COL6A1: variants seen among roughly 807,000 people sequenced by gnomAD.
The protein encoded by COL6A1 is collagen type VI alpha 1 chain, also known as collagen alpha-1(VI) chain.
In COL6A1, 80 loss-of-function variants were observed where a neutral mutation model predicts 145.6. The ratio of observed to expected loss-of-function variants is 0.55; its 90% CI spans 0.46 to 0.66. The LOEUF (loss-of-function observed/expected upper bound fraction) is 0.66, where lower values mean the gene tolerates loss of function less well. COL6A1 is among the 30% of genes least tolerant of loss of function. COL6A1 has a pLI of 0.00. For synonymous variants in COL6A1, 638 were observed against 622.8 expected, an observed-to-expected ratio of 1.02 and a Z score of -0.36; for missense variants, 1,364 against 1,473.8, an observed-to-expected ratio of 0.93 and a Z score of 1.22.
rs775248249 is a variant in COL6A1, at chr21:45,989,664, C to T, written c.903+12C>T. On this transcript the variant is annotated intron_variant, in intron 10 of 34. Coordinates refer to ENST00000361866, the MANE Select transcript of COL6A1 (RefSeq NM_001848.3). ...ACCAGGGAATGAAGGTACGTGCCCC[C>T]CCTTTCCTGGCCCGAGCCCGGTGGT... The T allele has an allele frequency of 2.5e-6, 4 of 1,613,082 alleles. No individual in the cohort carries two copies. In the African/African-American group the frequency reaches 5.3e-5, roughly 22 times the overall value.
Position 45,990,408 on chromosome 21 carries a change from G to A in COL6A1, c.988G>A (p.Val330Met), listed in dbSNP as rs561937340. Residue 330 changes from valine (V) to methionine (M), a missense_variant, in exon 13 of 35, where the codon GTG becomes ATG. Transcript: ENST00000361866. ...GAAGGGCAAGCGTGGCATCGACGGG[G>A]TGGACGGCGTGAAGGTGACTGGGGG... ...GEKGKRGIDG[V>M]DGVKGEMGYP... The A allele has an allele frequency of 6.5e-7, 1 of 1,527,366 alleles. No individual in the cohort carries two copies. The highest frequency in any genetic ancestry group is 2.6e-5 in the East Asian group (1 of 38,900). 94.6% of individuals were successfully genotyped at this position (1,527,366 alleles called of 1,614,324 possible). A position where few individuals can be genotyped will look rare whatever the true frequency, so the allele number is the denominator to read the frequency against.
chr21:46,003,362 T>C (rs767794314), intron 34 of COL6A1, 29 bp from the exon 35 acceptor site: 31 of 1,599,948 alleles, frequency 1.9e-5, no homozygotes, highest in Non-Finnish European at 2.5e-5. Context: ...CAGGGCCTCA[T>C]GCTAACGGCT....
In COL6A1 at chr21:45,997,418, C is replaced by T. The variant is rs200095847; in HGVS notation, c.1399-3C>T. ...CCAACGTGCCATATCCATCTCTCTA[C>T]AGGGCGAGGCTGGCCCTATCGGACC... is the stretch of plus-strand genomic sequence containing the variant. On this transcript the variant is annotated splice_region_variant and splice_polypyrimidine_tract_variant and intron_variant, in intron 20 of 34. Transcript: ENST00000361866. The T allele has an allele frequency of 5.2e-4, 844 of 1,612,892 alleles. No homozygotes were observed. The highest frequency in any genetic ancestry group is 6.8e-4 in the Non-Finnish European group (806 of 1,179,812).
chr21:45,999,073 C>G, intron 25 of COL6A1, 80 bp from the exon 26 acceptor site: 1 of 1,543,206 alleles, frequency 6.5e-7, no homozygotes, highest in South Asian at 1.2e-5. Context: ...GCCCCGGCTG[C>G]TGGATGCTCT....
intron 3 of COL6A1, among the ~76,000 whole-genome samples, chr21:45,984,673 GAC>G (rs1427704524): frequency 1.3e-5 from 2 of 151,488 alleles, no homozygotes; most frequent in Non-Finnish European, 3.0e-5. Flanking sequence ...GGGAGAAACA[GAC>G]ACAGAGAGAG....
chr21:46,003,036 T>G, intron 33 of COL6A1, 84 bp from the exon 34 acceptor site: 2 of 1,599,584 alleles, frequency 1.3e-6, no homozygotes, highest in Non-Finnish European at 1.7e-6. Flanking sequence ...ACCCCTGTGC[T>G]CGGCCGGGAG....
Position 46,004,645 on chromosome 21 carries a change from C to A in COL6A1, c.*632C>A. ...TCAGGAGGCCGTTGCAGACATAAATCTCGGCGACTCGGCCCCGTCTCCTGA... is the reference window on the plus strand; with the variant it reads ...TCAGGAGGCCGTTGCAGACATAAATATCGGCGACTCGGCCCCGTCTCCTGA... On this transcript the variant is annotated 3_prime_UTR_variant, in exon 35 of 35. Transcript: ENST00000361866. The A allele has an allele frequency of 2.3e-6, 1 of 435,562 alleles. No individual in the cohort carries two copies. 27.0% of individuals were successfully genotyped at this position (435,562 alleles called of 1,614,324 possible). A position where few individuals can be genotyped will look rare whatever the true frequency, so the allele number is the denominator to read the frequency against.
At chr21:45,999,986 C>T (rs2077832670) in intron 27 of COL6A1, among the ~76,000 whole-genome samples, 1 of 800 alleles carries the variant, frequency 1.3e-3, no homozygotes, top group Non-Finnish European at 2.6e-3. Context: ...TGGAGGGGGA[C>T]ATGTGAGGAT....
At position 45,982,680 on chromosome 21, in the gene COL6A1, G is replaced by C. The variant is rs1333093742; in HGVS notation, c.144G>C (p.Val48=). 1 of 1,612,884 alleles carries C rather than the reference G, an allele frequency of 6.2e-7. No individual in the cohort carries two copies. Among genetic ancestry groups the C allele is most frequent in the Non-Finnish European group, 8.5e-7 (1 of 1,179,972 alleles). ...TTGTGCTGGACACCTCTGAGAGCGT[G>C]GCCCTGAGGCTGAAGCCCTACGGGG... The part of the protein sequence containing the change: ...LFFVLDTSES[V]ALRLKPYGAL... Residue 48 remains valine, a synonymous_variant, in exon 2 of 35, where the codon GTG becomes GTC. Coordinates refer to ENST00000361866, the MANE Select transcript of COL6A1 (RefSeq NM_001848.3).
chr21:45,991,018 G>A lies in COL6A1; in HGVS notation c.1096G>A (p.Ala366Thr), dbSNP rs183994910. 461 of 1,613,380 alleles carry A rather than the reference G, an allele frequency of 2.9e-4. No individual in the cohort carries two copies. Among genetic ancestry groups the A allele is most frequent in the African/African-American group, 6.7e-4 (50 of 75,058 alleles). Residue 366 changes from alanine (A) to threonine (T), a missense_variant, in exon 15 of 35, where the codon GCC becomes ACC. By Grantham distance (58) the Ala-to-Thr change is moderately conservative. This residue lies in a region of COL6A1 where 938 missense variants were observed against 1,003.8 expected (regional missense o/e 0.93). Coordinates refer to ENST00000361866, the MANE Select transcript of COL6A1 (RefSeq NM_001848.3). ...CCCTGGCCCCAAGGGAGACCCCGGT[G>A]CCTTTGGACTGAAAGGAGAAAAGGT... ...GPPGPKGDPGAFGLKGEKGEP... is the reference protein window; with the variant it reads ...GPPGPKGDPGTFGLKGEKGEP...
At position 45,997,863 on chromosome 21, in the gene COL6A1, G is replaced by T. The variant is rs552840085; in HGVS notation, c.1524+101G>T. The T allele has an allele frequency of 4.5e-6, 6 of 1,345,406 alleles. No individual in the cohort carries two copies. In the South Asian group the frequency reaches 6.7e-5, roughly 15 times the overall value. The allele number at this position is 1,345,406 out of a possible 1,614,324, so 83.3% of individuals were successfully genotyped here. A position where few individuals can be genotyped will look rare whatever the true frequency, so the allele number is the denominator to read the frequency against. ...GTGGAGCTGCCTGGGGTCCCTGACC[G>T]GGCCGGGAGTGCCCGCAGCATCACT... On this transcript the variant is annotated intron_variant, in intron 22 of 34. Transcript: ENST00000361866.
intron 30 of COL6A1, 102 bp downstream of exon 30, chr21:46,001,488 C>T (rs1199917408): frequency 6.8e-7 from 1 of 1,466,660 alleles, no homozygotes; most frequent in East Asian, 2.3e-5. Context: ...GCCACCGCTG[C>T]ATCCCTGTGA....
At chr21:45,993,451 G>C (rs1251397202) in intron 19 of COL6A1, among the ~76,000 whole-genome samples, 1 of 152,216 alleles carries the variant, frequency 6.6e-6, no homozygotes, top group Non-Finnish European at 1.5e-5. Flanking sequence ...AGAGTGAAGG[G>C]GAGAGAATGC....
chr21:45,987,159 AT>A lies in COL6A1; in HGVS notation c.723del (p.Asn241LysfsTer60), dbSNP rs2077744152. 6.3e-7 allele frequency: 1 copy of A among 1,598,810 alleles called. No individual in the cohort carries two copies. The highest frequency in any genetic ancestry group is 8.5e-7 in the Non-Finnish European group (1 of 1,176,482). ...TIDTIVDMIK[N>X]NVEQVCCSFE... ...CGTTTCCATTTCTCTTTCCAGAAAA[AT>A]AACGTGGAGCAAGTGGTAAGAGCCC... On this transcript the variant is annotated frameshift_variant, in exon 6 of 35. Coordinates refer to ENST00000361866, the MANE Select transcript of COL6A1 (RefSeq NM_001848.3). LOFTEE classifies it high-confidence loss of function.
At chr21:45,999,116 G>A (rs757151786) in intron 25 of COL6A1, 37 bp from the exon 26 acceptor site, 8 of 1,564,798 alleles carry the variant, frequency 5.1e-6, no homozygotes, top group Non-Finnish European at 6.9e-6. Flanking sequence ...TGCCCGGGTG[G>A]TGCACGGTCT....
In COL6A1 at chr21:46,003,799, C is replaced by T. The variant is rs763228065; in HGVS notation, c.2873C>T (p.Ala958Val). The T allele has an allele frequency of 5.0e-6, 8 of 1,609,262 alleles. No homozygotes were observed. Among genetic ancestry groups the T allele is most frequent in the Admixed American group, 3.3e-5 (2 of 59,902 alleles). The change falls in exon 35 of 35, where the codon GCC (alanine) becomes GTC (valine). Residue 958 changes from alanine to valine, a missense_variant. Ala to Val is a moderately conservative substitution (Grantham distance 64). Coordinates refer to ENST00000361866, the MANE Select transcript of COL6A1 (RefSeq NM_001848.3). Reference protein sequence around the residue: ...QGATPAAIEKAVQEAQRAGIE... With the variant: ...QGATPAAIEKVVQEAQRAGIE... ...GCCACGCCCGCTGCCATCGAGAAGG[C>T]CGTGCAGGAAGCCCAGCGGGCAGGC...
intron 3 of COL6A1, 37 bp downstream of exon 3, chr21:45,984,506 C>T (rs2077726545): frequency 3.8e-6 from 6 of 1,594,420 alleles, no homozygotes; most frequent in Non-Finnish European, 5.1e-6. Context: ...CGCCAGTTCT[C>T]ACGCGTGGTA....
At position 45,986,611 on chromosome 21, in the gene COL6A1, C is replaced by A; in HGVS notation, c.514C>A (p.Leu172Met). The change falls in exon 4 of 35, where the codon CTG (leucine) becomes ATG (methionine). Residue 172 changes from leucine (L) to methionine (M), a missense_variant. Transcript: ENST00000361866. ...GGGCTACAAGGAACCCTGTGGGGGG[C>A]TGGAGGATGCTGTGAACGAGGCCAA... ...LEGYKEPCGG[L>M]EDAVNEAKHL... 6.4e-7 allele frequency: 1 copy of A among 1,556,968 alleles called. No individual in the cohort carries two copies. Among genetic ancestry groups the A allele is most frequent in the South Asian group, 1.2e-5 (1 of 84,414 alleles).
chr21:45,990,322 C>G (rs758390343), intron 12 of COL6A1, 38 bp downstream of exon 12: 5 of 1,612,708 alleles, frequency 3.1e-6, no homozygotes, highest in East Asian at 2.2e-5. Context: ...GTTCTGCCCC[C>G]ACGGCAGCAT....
Sources: gnomAD v4.1 joint callset for allele counts (sites outside exome capture counted in the v4.1 genomes callset) on GRCh38, gnomAD v4.1.1 for gene constraint, gnomAD v4.1.1 regional missense constraint, MANE v1.5 for transcripts, NCBI Gene and HGNC (gene_info 2026-07-23, HGNC 2026-07-21) for gene names.